C19orf12: variants seen among roughly 807,000 people sequenced by gnomAD.
C19orf12 encodes protein C19orf12.
A neutral mutation model predicts 3.8 loss-of-function variants in C19orf12; 2 were observed. The observed-to-expected ratio is 0.53, with a 90% CI of 0.22 to 1.66. The LOEUF (loss-of-function observed/expected upper bound fraction) is 1.66. Among genes scored for constraint, C19orf12 ranks in the 40% most tolerant of loss-of-function variants. The pLI is 0.20. For synonymous variants in C19orf12, 89 were observed against 84.6 expected (o/e 1.05, Z -0.28); for missense variants, 156 against 188.8 (o/e 0.83, Z 1.02).
intron 1 of C19orf12, among the ~76,000 whole-genome samples, chr19:29,713,994 T>TTC (rs1057445422): frequency 2.2e-5 from 3 of 135,628 alleles, no homozygotes; most frequent in Admixed American, 7.6e-5. Flanking sequence ...TTCTCTTTCG[T>TTC]TCTCTCTCTC....
chr19:29,699,396 T>G lies in C19orf12; in HGVS notation c.*3316A>C. The G allele has an allele frequency of 2.6e-6, 1 of 379,466 alleles. No homozygotes were observed. Among genetic ancestry groups the G allele is most frequent in the Non-Finnish European group, 5.1e-6 (1 of 197,506 alleles). The allele number at this position is 379,466 out of a possible 1,614,324, so 23.5% of individuals were successfully genotyped here. A position where few individuals can be genotyped will look rare whatever the true frequency, so the allele number is the denominator to read the frequency against. On this transcript the variant is annotated 3_prime_UTR_variant, in exon 3 of 3. Transcript: ENST00000323670. ...TACTCGGGAGGCTGAGGCAGGAGAATGGCTTGAACCCAGGAGGCAGAGCTT... is the reference window on the plus strand; with the variant it reads ...TACTCGGGAGGCTGAGGCAGGAGAAGGGCTTGAACCCAGGAGGCAGAGCTT...
chr19:29,713,825 C>G (rs978563842), intron 1 of C19orf12, among the ~76,000 whole-genome samples: 1 of 152,042 alleles, frequency 6.6e-6, no homozygotes, highest in African/African-American at 2.4e-5. Context: ...CCCCTGCCCA[C>G]CCCCATACAG....
Position 29,708,122 on chromosome 19 carries a change from G to A in C19orf12, c.160+132C>T, listed in dbSNP as rs1209780502. The A allele has an allele frequency of 2.4e-5, 30 of 1,273,446 alleles. 1 individual carries two copies. Among genetic ancestry groups the A allele is most frequent in the East Asian group, 9.5e-5 (4 of 41,890 alleles). The allele number at this position is 1,273,446 out of a possible 1,614,324, so 78.9% of individuals were successfully genotyped here. A position where few individuals can be genotyped will look rare whatever the true frequency, so the allele number is the denominator to read the frequency against. ...TCAAACTCCTGACCTCAGGTGATCC[G>A]CCCGCCTCGGCCTCCCAAAGTGCTG... On this transcript the variant is annotated intron_variant, in intron 2 of 2. Coordinates refer to ENST00000323670, the MANE Select transcript of C19orf12 (RefSeq NM_031448.6).
chr19:29,708,499 A>C (rs1300210885), intron 1 of C19orf12, 76 bp from the exon 2 acceptor site: 17 of 1,579,548 alleles, frequency 1.1e-5, no homozygotes, highest in Non-Finnish European at 1.5e-5. Context: ...TCTAGTTCCT[A>C]GAGTTTTAAG....
chr19:29,704,147 A>G (rs1972257675), intron 2 of C19orf12, among the ~76,000 whole-genome samples: 2 of 152,286 alleles, frequency 1.3e-5, no homozygotes, highest in Admixed American at 1.3e-4. Flanking sequence ...AGTGCTTTTC[A>G]TAGATCCCCT....
chr19:29,704,769 T>C (rs780871743), intron 2 of C19orf12, among the ~76,000 whole-genome samples: 2 of 152,084 alleles, frequency 1.3e-5, no homozygotes, highest in African/African-American at 2.4e-5. Flanking sequence ...CCTGCTGAGA[T>C]TGGATGGGTG....
At chr19:29,703,134 G>C (rs1972204420) in intron 2 of C19orf12, among the ~76,000 whole-genome samples, 157 bp from the exon 3 acceptor site, 1 of 152,172 alleles carries the variant, frequency 6.6e-6, no homozygotes, top group African/African-American at 2.4e-5. Context: ...CCGCCAGCCA[G>C]TGTGGAGGGC....
At chr19:29,712,328 C>G (rs1972721662) in intron 1 of C19orf12, among the ~76,000 whole-genome samples, 1 of 152,074 alleles carries the variant, frequency 6.6e-6, no homozygotes, top group African/African-American at 2.4e-5. Flanking sequence ...ACCACTTGAA[C>G]CCGGGAGGTG....
chr19:29,713,370 C>G (rs1042724216), intron 1 of C19orf12, among the ~76,000 whole-genome samples: 1 of 152,080 alleles, frequency 6.6e-6, no homozygotes, highest in Non-Finnish European at 1.5e-5. Flanking sequence ...CTGGAAGCCC[C>G]GGTTTCTTGC....
In C19orf12 at chr19:29,699,513, T is replaced by G. The variant is rs774285205; in HGVS notation, c.*3199A>C. On this transcript the variant is annotated 3_prime_UTR_variant, in exon 3 of 3. Transcript: ENST00000323670. ...AAAAAAAAAGAAAAAAAGAAAAAAA[T>G]ATATGTGTACCTACATAGCATTAAA... The G allele has an allele frequency of 3.5e-5, 15 of 428,130 alleles. No homozygotes were observed. Among genetic ancestry groups the G allele is most frequent in the South Asian group, 2.6e-4 (15 of 57,702 alleles). The allele number at this position is 428,130 out of a possible 1,614,324, so 26.5% of individuals were successfully genotyped here.
Position 29,699,522 on chromosome 19 carries a change from A to G in C19orf12, c.*3190T>C. ...GAAAAAAAGAAAAAAATATATGTGT[A>G]CCTACATAGCATTAAAACAATTGCA... On this transcript the variant is annotated 3_prime_UTR_variant, in exon 3 of 3. Coordinates refer to ENST00000323670, the MANE Select transcript of C19orf12 (RefSeq NM_031448.6). 1 of 451,376 alleles carries G rather than the reference A, an allele frequency of 2.2e-6. No individual in the cohort carries two copies. Among genetic ancestry groups the G allele is most frequent in the South Asian group, 1.6e-5 (1 of 63,600 alleles). The allele number at this position is 451,376 out of a possible 1,614,324, so 28.0% of individuals were successfully genotyped here.
intron 1 of C19orf12, 102 bp from the exon 2 acceptor site, chr19:29,708,525 T>G: frequency 6.8e-7 from 1 of 1,468,378 alleles, no homozygotes. Flanking sequence ...GTCCCCCTTT[T>G]CAGGAAAGCT....
chr19:29,705,402 C>CAA (rs34101444), intron 2 of C19orf12: 678 of 110,878 alleles, frequency 6.1e-3, no homozygotes, highest in Admixed American at 0.013. Context: ...ATCCTGAAAC[C>CAA]AAAAAAAAAA....
intron 1 of C19orf12, among the ~76,000 whole-genome samples, chr19:29,709,487 A>G (rs1972555163): frequency 6.6e-6 from 1 of 152,046 alleles, no homozygotes; most frequent in African/African-American, 2.4e-5. Context: ...TGCTACAGCA[A>G]TTCAACTGAG....
Position 29,700,862 on chromosome 19 carries a change from C to A in C19orf12, c.*1850G>T, listed in dbSNP as rs767759241. 2.2e-6 allele frequency: 1 copy of A among 454,120 alleles called. No homozygotes were observed. The highest frequency in any genetic ancestry group is 4.4e-6 in the Non-Finnish European group (1 of 226,800). 28.1% of individuals were successfully genotyped at this position (454,120 alleles called of 1,614,324 possible). ...CTCAGCAGAAGTGCCTCCCTCCGAG[C>A]CTCCAGGGCCTGAGAGGAGAGCCCC... On this transcript the variant is annotated 3_prime_UTR_variant, in exon 3 of 3. Transcript: ENST00000323670.
In C19orf12 at chr19:29,702,116, G is replaced by A. The variant is rs975505542; in HGVS notation, c.*596C>T. On this transcript the variant is annotated 3_prime_UTR_variant, in exon 3 of 3. Coordinates refer to ENST00000323670, the MANE Select transcript of C19orf12 (RefSeq NM_031448.6). ...CTAGGTGTGCAGCCTAGTGGGGGCC[G>A]GGGTCAAGTCCACTCGGTATTTGTG... 1.8e-5 allele frequency: 8 copies of A among 450,146 alleles called. No individual in the cohort carries two copies. The highest frequency in any genetic ancestry group is 6.0e-5 in the African/African-American group (3 of 49,942). 27.9% of individuals were successfully genotyped at this position (450,146 alleles called of 1,614,324 possible).
chr19:29,708,809 A>T (rs1000187541), intron 1 of C19orf12, among the ~76,000 whole-genome samples: 1 of 152,234 alleles, frequency 6.6e-6, no homozygotes, highest in Non-Finnish European at 1.5e-5. Flanking sequence ...AGCCCAGCAG[A>T]GAACGGGAAG....
At chr19:29,710,011 A>C (rs911200321) in intron 1 of C19orf12, among the ~76,000 whole-genome samples, 1 of 152,112 alleles carries the variant, frequency 6.6e-6, no homozygotes, top group Non-Finnish European at 1.5e-5. Context: ...AGCTGGGGCT[A>C]AAGGCATGCA....
At chr19:29,703,378 C>CTTTTTTTTTTT (rs1165470646) in intron 2 of C19orf12, among the ~76,000 whole-genome samples, 143 of 128,340 alleles carry the variant, frequency 1.1e-3, no homozygotes, top group Admixed American at 1.4e-3. Flanking sequence ...TTTTTCTTTT[C>CTTTTTTTTTTT]TTTTTTTTTT....
Sources: gnomAD v4.1 joint callset for allele counts (sites outside exome capture counted in the v4.1 genomes callset) on GRCh38, gnomAD v4.1.1 for gene constraint, MANE v1.5 for transcripts, NCBI Gene and HGNC (gene_info 2026-07-23, HGNC 2026-07-21) for gene names.